The following ELMO1 variants were observed in gnomAD, a reference collection of about 807,000 sequenced individuals.
ELMO1 encodes engulfment and cell motility protein 1.
A neutral mutation model predicts 98.9 loss-of-function variants in ELMO1; 26 were observed. The observed-to-expected ratio is 0.26, with a 90% CI of 0.19 to 0.36. The LOEUF (loss-of-function observed/expected upper bound fraction) is 0.36, where lower values mean the gene tolerates loss of function less well. ELMO1 is among the 10% of genes least tolerant of loss of function. ELMO1 has a pLI of 1.00. For synonymous variants in ELMO1, 346 were observed against 346.0 expected (o/e 1.00, Z 0.00); for missense variants, 627 against 935.2 (o/e 0.67, Z 4.30).
At chr7:37,264,496 A>G (rs1336699385) in intron 5 of ELMO1, among the ~76,000 whole-genome samples, 1 of 152,130 alleles carries the variant, frequency 6.6e-6, no homozygotes, top group Non-Finnish European at 1.5e-5. Context: ...AATTTGCACC[A>G]TTTTTATATT....
intron 1 of ELMO1, among the ~76,000 whole-genome samples, chr7:37,418,661 C>T (rs923803697): frequency 6.6e-6 from 1 of 152,214 alleles, no homozygotes; most frequent in Non-Finnish European, 1.5e-5. Context: ...GCTCAGATAA[C>T]CTCGGTCAGA....
intron 2 of ELMO1, among the ~76,000 whole-genome samples, chr7:37,326,584 T>C (rs975519701): frequency 6.6e-6 from 1 of 150,696 alleles, no homozygotes; most frequent in Non-Finnish European, 1.5e-5. Flanking sequence ...TGAAAGATGA[T>C]ACTCTGCCAC....
intron 2 of ELMO1, among the ~76,000 whole-genome samples, chr7:37,329,004 A>G (rs989034566): frequency 2.0e-5 from 3 of 152,196 alleles, no homozygotes; most frequent in African/African-American, 4.8e-5. Context: ...TGTCCTGCCA[A>G]TGCAGTCCGG....
At chr7:37,376,034 G>T in intron 1 of ELMO1, 1 of 429,566 alleles carries the variant, frequency 2.3e-6, no homozygotes, top group Non-Finnish European at 4.3e-6. Context: ...AACTGGAGAG[G>T]ATTATTTCAC....
chr7:37,426,723 T>G (rs1020103916), intron 1 of ELMO1, among the ~76,000 whole-genome samples: 2 of 152,120 alleles, frequency 1.3e-5, no homozygotes, highest in Non-Finnish European at 2.9e-5. Flanking sequence ...CTTACATCAG[T>G]GTTTCCCAAA....
At chr7:37,422,096 G>A (rs1002746479) in intron 1 of ELMO1, among the ~76,000 whole-genome samples, 4 of 152,218 alleles carry the variant, frequency 2.6e-5, no homozygotes, top group African/African-American at 4.8e-5. Flanking sequence ...CTCATGTTTA[G>A]AACATCTGGC....
rs1212227263 is a variant in ELMO1, at chr7:37,211,462, T to TC, written c.1009dup (p.Glu337GlyfsTer3). 1 of 1,614,012 alleles carries TC rather than the reference T, an allele frequency of 6.2e-7. No homozygotes were observed. The highest frequency in any genetic ancestry group is 2.2e-5 in the East Asian group (1 of 44,844). On this transcript the variant is annotated frameshift_variant, in exon 13 of 22. Transcript: ENST00000310758. LOFTEE classifies it high-confidence loss of function. ...CATGCTGCCACTGCTGTTGTTAGGT[T>TC]CAGACTCAGCATCAAAAGCAATTCT... is the stretch of plus-strand genomic sequence containing the variant.
intron 13 of ELMO1, among the ~76,000 whole-genome samples, chr7:37,161,449 T>C (rs192679262): frequency 6.6e-6 from 1 of 152,216 alleles, no homozygotes; most frequent in Admixed American, 6.5e-5. Context: ...AGACAATGAA[T>C]TAAAGAAGCA....
chr7:37,043,800 C>T (rs879384967), intron 15 of ELMO1, among the ~76,000 whole-genome samples: 13 of 152,020 alleles, frequency 8.6e-5, no homozygotes, highest in South Asian at 4.2e-4. Flanking sequence ...GAGCCCAGCA[C>T]ACAAGGAACT....
chr7:37,196,486 T>G (rs1261083932), intron 13 of ELMO1, among the ~76,000 whole-genome samples: 1 of 152,168 alleles, frequency 6.6e-6, no homozygotes, highest in Non-Finnish European at 1.5e-5. Flanking sequence ...AGCAAGTGGA[T>G]AGTTGGTGTG....
intron 4 of ELMO1, among the ~76,000 whole-genome samples, chr7:37,274,742 G>A (rs1035046878): frequency 2.0e-5 from 3 of 152,030 alleles, no homozygotes; most frequent in African/African-American, 4.8e-5. Flanking sequence ...TAGTAGAGGC[G>A]AGGTTTCACC....
At chr7:37,415,838 G>A (rs1804191071) in intron 1 of ELMO1, among the ~76,000 whole-genome samples, 1 of 152,208 alleles carries the variant, frequency 6.6e-6, no homozygotes, top group Non-Finnish European at 1.5e-5. Flanking sequence ...GCTTTGGGAA[G>A]AGGAAGGAAC....
rs552415650 is a variant in ELMO1 at position 37,348,064 on chromosome 7, C to T, written c.-73-5301G>A. Among the ~76,000 whole-genome samples the T allele has an allele frequency of 6.5e-4, 99 of 152,350 alleles. 1 individual carries two copies. The highest frequency in any genetic ancestry group is 7.8e-4 in the Admixed American group (12 of 15,302). On this transcript the variant is annotated intron_variant, in intron 1 of 21. Coordinates refer to ENST00000310758, the MANE Select transcript of ELMO1 (RefSeq NM_014800.11). Reference sequence around the variant, plus strand: ...AAGGGCAAGGTCCACATCGCATTCACAGTTACAGACTCAGGGCCGCGGCAG... The same window carrying T: ...AAGGGCAAGGTCCACATCGCATTCATAGTTACAGACTCAGGGCCGCGGCAG...
chr7:37,425,238 C>T (rs879399794), intron 1 of ELMO1, among the ~76,000 whole-genome samples: 21 of 152,188 alleles, frequency 1.4e-4, no homozygotes, highest in Admixed American at 1.4e-3. Context: ...GGGCTGTGGA[C>T]TGACAACTTC....
At chr7:36,997,639 G>C (rs548823930) in intron 16 of ELMO1, among the ~76,000 whole-genome samples, 1 of 152,160 alleles carries the variant, frequency 6.6e-6, no homozygotes, top group Non-Finnish European at 1.5e-5. Flanking sequence ...TGGACATCCC[G>C]AGTTTGAGGA....
At chr7:37,181,644 G>T (rs528550140) in intron 13 of ELMO1, among the ~76,000 whole-genome samples, 13 of 152,272 alleles carry the variant, frequency 8.5e-5, no homozygotes, top group African/African-American at 2.9e-4. Flanking sequence ...GTCAAAAAAA[G>T]AAAGCAGGAA....
intron 16 of ELMO1, among the ~76,000 whole-genome samples, chr7:36,953,169 T>C (rs1341230720): frequency 6.6e-6 from 1 of 151,974 alleles, no homozygotes; most frequent in East Asian, 1.9e-4. Flanking sequence ...GGTTTCACCA[T>C]GTTAGCCAGG....
intron 13 of ELMO1, among the ~76,000 whole-genome samples, chr7:37,196,437 C>G (rs1791967007): frequency 6.6e-6 from 1 of 152,158 alleles, no homozygotes; most frequent in Non-Finnish European, 1.5e-5. Context: ...GCTTGAGATT[C>G]AGGAAGGACG....
intron 16 of ELMO1, among the ~76,000 whole-genome samples, chr7:36,978,417 T>A (rs984869732): frequency 2.0e-5 from 3 of 151,794 alleles, no homozygotes; most frequent in African/African-American, 4.8e-5. Flanking sequence ...ACAGAATACA[T>A]CATGGGTATG....
Sources: allele counts gnomAD v4.1 joint callset (sites outside exome capture counted in the v4.1 genomes callset), GRCh38; gene constraint gnomAD v4.1.1; transcripts MANE v1.5; gene names NCBI Gene and HGNC (gene_info 2026-07-23, HGNC 2026-07-21).